COL27A1: variants seen among roughly 807,000 people sequenced by gnomAD.
COL27A1 encodes collagen alpha-1(XXVII) chain.
In COL27A1, 106 loss-of-function variants were observed where a neutral mutation model predicts 251.3. The ratio of observed to expected loss-of-function variants is 0.42; its 90% CI spans 0.36 to 0.50. The LOEUF (loss-of-function observed/expected upper bound fraction) is 0.50, where lower values mean the gene tolerates loss of function less well. Among genes scored for constraint, COL27A1 ranks in the 20% least tolerant of loss-of-function variants. COL27A1 has a pLI of 0.00. For synonymous variants in COL27A1, 1,000 were observed against 986.3 expected (o/e 1.01, Z -0.26); for missense variants, 2,325 against 2,522.8 (o/e 0.92, Z 1.68).
chr9:114,284,209 G>A (rs1030720166), intron 40 of COL27A1, among the ~76,000 whole-genome samples: 1 of 152,240 alleles, frequency 6.6e-6, no homozygotes, highest in Admixed American at 6.5e-5. Context: ...CATGCACGAG[G>A]CCTGACCACT....
intron 37 of COL27A1, among the ~76,000 whole-genome samples, chr9:114,276,926 C>G (rs1835546990): frequency 6.6e-6 from 1 of 152,208 alleles, no homozygotes; most frequent in Admixed American, 6.5e-5. Context: ...GATAGCAACC[C>G]CTGAGGATTG....
chr9:114,302,464 T>C (rs988374589), intron 56 of COL27A1, among the ~76,000 whole-genome samples: 3 of 152,118 alleles, frequency 2.0e-5, no homozygotes, highest in Non-Finnish European at 4.4e-5. Flanking sequence ...CAGTGGCTCA[T>C]GCCTGTAATC....
chr9:114,249,539 G>A (rs541754605), intron 24 of COL27A1, among the ~76,000 whole-genome samples: 13 of 152,338 alleles, frequency 8.5e-5, no homozygotes, highest in Admixed American at 2.6e-4. Flanking sequence ...ATCCCAGGCT[G>A]CAGCAGCAAG....
intron 16 of COL27A1, 79 bp from the exon 17 acceptor site, chr9:114,235,520 C>T (rs1168112470): frequency 1.8e-6 from 2 of 1,099,470 alleles, no homozygotes; most frequent in African/African-American, 3.1e-5. Context: ...ACAGCTGTAC[C>T]TCGCCAGGGG....
intron 56 of COL27A1, 73 bp downstream of exon 56, chr9:114,302,181 C>T (rs1169170364): frequency 1.6e-6 from 2 of 1,284,502 alleles, no homozygotes; most frequent in East Asian, 2.3e-5. Flanking sequence ...GCTGCTGGCC[C>T]TCTCTGGCCC....
intron 27 of COL27A1, among the ~76,000 whole-genome samples, chr9:114,255,536 A>T (rs1221983828): frequency 6.6e-6 from 1 of 151,762 alleles, no homozygotes; most frequent in Non-Finnish European, 1.5e-5. Flanking sequence ...AAGAGTGGGG[A>T]TATTCAGGCC....
rs932783032 is a variant in COL27A1, at chr9:114,300,220, A to G, written c.4638+97A>G. ...AACAAATATTTATGGAGCACTGAAA[A>G]CATTGGCTGGAAAACAGCCAGAATC... On this transcript the variant is annotated intron_variant, in intron 50 of 60. Coordinates refer to ENST00000356083, the MANE Select transcript of COL27A1 (RefSeq NM_032888.4). The G allele has an allele frequency of 2.0e-5, 26 of 1,312,030 alleles. No homozygotes were observed. The Admixed American group carries it at 4.6e-4, about 23-fold the overall frequency. 81.3% of individuals were successfully genotyped at this position (1,312,030 alleles called of 1,614,324 possible).
At position 114,183,114 on chromosome 9, in the gene COL27A1, TGGGGTTGGAGCCATGTTTGCA is replaced by T. The variant is rs377667822; in HGVS notation, c.2016+41_2016+61del. Reference sequence around the variant, plus strand: ...GGAGATGTGGCCATGGAGTGGGTGCTGGGGTTGGAGCCATGTTTGCAGTGCTTCCCAGGGGTGCCTGGTGGG... The same window carrying T: ...GGAGATGTGGCCATGGAGTGGGTGCTGTGCTTCCCAGGGGTGCCTGGTGGG... On this transcript the variant is annotated intron_variant, in intron 5 of 60. Coordinates refer to ENST00000356083, the MANE Select transcript of COL27A1 (RefSeq NM_032888.4). 2.1e-3 allele frequency: 3,258 copies of T among 1,589,038 alleles called. 52 individuals are homozygous for T. The African/African-American group carries it at 0.034, about 17-fold the overall frequency.
At chr9:114,234,692 TAAGTC>T (rs1832233483) in intron 16 of COL27A1, among the ~76,000 whole-genome samples, 3 of 152,150 alleles carry the variant, frequency 2.0e-5, no homozygotes, top group Admixed American at 6.5e-5. Context: ...CACCCAGACT[TAAGTC>T]AAGACCAATT....
At chr9:114,170,200 G>T (rs1023020773) in intron 3 of COL27A1, among the ~76,000 whole-genome samples, 6 of 152,200 alleles carry the variant, frequency 3.9e-5, no homozygotes, top group African/African-American at 1.4e-4. Context: ...GGTTTGATTT[G>T]TAACCCCCGG....
chr9:114,278,177 T>G lies in COL27A1; in HGVS notation c.3717+2409T>G, dbSNP rs1026624058. On this transcript the variant is annotated intron_variant, in intron 37 of 60. Coordinates refer to ENST00000356083, the MANE Select transcript of COL27A1 (RefSeq NM_032888.4). ...GGTGATGGTGAGTGGATGGTGTGGGTGGGGGCAGCAGCAATGGTAGTGGTG... is the reference window on the plus strand; with the variant it reads ...GGTGATGGTGAGTGGATGGTGTGGGGGGGGGCAGCAGCAATGGTAGTGGTG... 1.3e-4 allele frequency among the ~76,000 whole-genome samples: 19 copies of G among 148,442 alleles called. 1 individual carries two copies. In the South Asian group the frequency reaches 4.2e-3, roughly 33 times the overall value.
At position 114,166,374 on chromosome 9, in the gene COL27A1, T is replaced by TCCATCCATCCAC. The variant is rs1848867415; in HGVS notation, c.134-1304_134-1303insCCCATCCATCCA. Among the ~76,000 whole-genome samples the TCCATCCATCCAC allele has an allele frequency of 2.0e-5, 3 of 149,810 alleles. 1 individual carries two copies. The highest frequency in any genetic ancestry group is 7.4e-5 in the African/African-American group (3 of 40,534). On this transcript the variant is annotated intron_variant, in intron 2 of 60. Coordinates refer to ENST00000356083, the MANE Select transcript of COL27A1 (RefSeq NM_032888.4). ...ATCCATGTATCCATCCATCAATCCA[T>TCCATCCATCCAC]CCATCCATCCATCCATCCATCCACC... is the stretch of plus-strand genomic sequence containing the variant.
At chr9:114,236,780 G>C (rs1242652701) in intron 17 of COL27A1, among the ~76,000 whole-genome samples, 1 of 152,156 alleles carries the variant, frequency 6.6e-6, no homozygotes, top group Non-Finnish European at 1.5e-5. Context: ...TTTCATGTTA[G>C]CATTTCCTGG....
chr9:114,206,019 G>A (rs961210263), intron 9 of COL27A1, among the ~76,000 whole-genome samples: 1 of 152,166 alleles, frequency 6.6e-6, no homozygotes, highest in South Asian at 2.1e-4. Flanking sequence ...AGGAGGTCTG[G>A]TTCTGCGGGG....
upstream of COL27A1, among the ~76,000 whole-genome samples, chr9:114,154,217 C>T (rs1457698852): frequency 6.6e-6 from 1 of 152,028 alleles, no homozygotes; most frequent in Non-Finnish European, 1.5e-5. The surrounding 1 kb of genome is among the most constrained non-coding windows in gnomAD (Gnocchi z 5.8). Flanking sequence ...CCATGCCCCT[C>T]CCGGTGCCGC....
intron 7 of COL27A1, among the ~76,000 whole-genome samples, chr9:114,202,508 A>G (rs989296745): frequency 6.6e-6 from 1 of 152,210 alleles, no homozygotes; most frequent in African/African-American, 2.4e-5. Context: ...TGCAAGCTCC[A>G]GGTGGAAAAA....
chr9:114,271,018 C>T (rs1835101567), intron 36 of COL27A1: 2 of 510,432 alleles, frequency 3.9e-6, no homozygotes, highest in Admixed American at 4.2e-5. Flanking sequence ...CCAGTCTTTC[C>T]TGCTACCCTT....
chr9:114,265,369 A>G, intron 31 of COL27A1, 53 bp from the exon 32 acceptor site: 2 of 1,567,952 alleles, frequency 1.3e-6, no homozygotes, highest in Non-Finnish European at 1.8e-6. Flanking sequence ...AAATCAAGAC[A>G]GGGCAGAGAA....
Position 114,300,692 on chromosome 9 carries a change from G to C in COL27A1, c.4701+5G>C. On this transcript the variant is annotated splice_donor_5th_base_variant and intron_variant, in intron 51 of 60. Coordinates refer to ENST00000356083, the MANE Select transcript of COL27A1 (RefSeq NM_032888.4). Reference sequence around the variant, plus strand: ...CGGGGGCCACCTGGCTTGATGGTGAGTTCCCTCCCTGCTGTCGGAGCAGAG... The same window carrying C: ...CGGGGGCCACCTGGCTTGATGGTGACTTCCCTCCCTGCTGTCGGAGCAGAG... 1 of 1,501,674 alleles carries C rather than the reference G, an allele frequency of 6.7e-7. No individual in the cohort carries two copies. Among genetic ancestry groups the C allele is most frequent in the Non-Finnish European group, 8.9e-7 (1 of 1,127,350 alleles). The allele number at this position is 1,501,674 out of a possible 1,614,324, so 93.0% of individuals were successfully genotyped here. A position where few individuals can be genotyped will look rare whatever the true frequency, so the allele number is the denominator to read the frequency against.
Sources: gnomAD v4.1 joint callset for allele counts (sites outside exome capture counted in the v4.1 genomes callset) on GRCh38, gnomAD v4.1.1 for gene constraint, Gnocchi (gnomAD v3.1) non-coding constraint, MANE v1.5 for transcripts, NCBI Gene and HGNC (gene_info 2026-07-23, HGNC 2026-07-21) for gene names.